Variants in OGDH observed in about 807,000 individuals in gnomAD.
OGDH encodes the protein oxoglutarate dehydrogenase.
In OGDH, 38 loss-of-function variants were observed where a neutral mutation model predicts 116.6. The ratio of observed to expected loss-of-function variants is 0.33; its 90% CI spans 0.25 to 0.43. OGDH has a LOEUF of 0.43. Ranked by LOEUF, OGDH falls within the 20% of genes least tolerant of loss-of-function variation. OGDH has a pLI of 1.00. For missense variants in OGDH, 825 were observed against 1,357.2 expected (o/e 0.61, Z 6.16); for synonymous variants, 488 against 533.3 (o/e 0.92, Z 1.17).
rs765802455 is a variant in OGDH at position 44,698,212 on chromosome 7, C to A, written c.2379C>A (p.Ala793=). 2 of 1,614,168 alleles carry A rather than the reference C, an allele frequency of 1.2e-6. No homozygotes were observed. The highest frequency in any genetic ancestry group is 1.7e-6 in the Non-Finnish European group (2 of 1,180,022). ...MEGMGPEHSS[A]RPERFLQMCN... is the part of the protein sequence containing the mutation. ...TCCAGGGTCCAGAACATTCCTCCGC[C>A]CGCCCAGAGCGGTTCTTGCAGATGT... Residue 793 remains alanine, a synonymous_variant, in exon 18 of 23, where the codon GCC becomes GCA. Transcript: ENST00000222673.
chr7:44,669,145 C>CTTTTTTTTTTTTTTTTTTTTTTTTT (rs869250474), intron 5 of OGDH, among the ~76,000 whole-genome samples: 6 of 77,806 alleles, frequency 7.7e-5, no homozygotes, highest in African/African-American at 2.2e-4. Context: ...AGCCCGGCAG[C>CTTTTTTTTTTTTTTTTTTTTTTTTT]TTTTTTTTTT....
Position 44,672,647 on chromosome 7 carries a change from T to TG in OGDH, c.634-1140_634-1139insG, listed in dbSNP as rs1193240064. Among the ~76,000 whole-genome samples, 26 of 148,640 alleles carry TG rather than the reference T, an allele frequency of 1.7e-4. 1 individual carries two copies. The highest frequency in any genetic ancestry group is 6.3e-4 in the African/African-American group (25 of 39,964). ...GAGGGATTTCTTTTTGTTTTTTGTT[T>TG]TTTTTTTTTTTTTGAGATGGAGTCT... On this transcript the variant is annotated intron_variant, in intron 5 of 22. Transcript: ENST00000222673.
intron 10 of OGDH, among the ~76,000 whole-genome samples, chr7:44,686,046 C>CTTTCTTTTT (rs1554305942): frequency 2.1e-5 from 3 of 144,890 alleles, no homozygotes; most frequent in Middle Eastern, 7.0e-3. Flanking sequence ...TTCTTTCTTT[C>CTTTCTTTTT]TTTTTTTTTT....
chr7:44,620,730 A>G (rs184566404), intron 1 of OGDH, among the ~76,000 whole-genome samples: 43 of 150,770 alleles, frequency 2.9e-4, no homozygotes, highest in Non-Finnish European at 5.9e-4. Flanking sequence ...AAACTTTGTT[A>G]AAACATTATG....
chr7:44,610,104 C>T (rs951390204), intron 1 of OGDH, among the ~76,000 whole-genome samples: 3 of 152,046 alleles, frequency 2.0e-5, no homozygotes, highest in Non-Finnish European at 2.9e-5. Flanking sequence ...CATGAGCCAC[C>T]ATGCCTGGCC....
At chr7:44,612,995 C>G (rs1562606932) in intron 1 of OGDH, among the ~76,000 whole-genome samples, 1 of 149,576 alleles carries the variant, frequency 6.7e-6, no homozygotes, top group Non-Finnish European at 1.5e-5. Context: ...ATTCTCCTGC[C>G]TCAGCCTCCT....
intron 4 of OGDH, among the ~76,000 whole-genome samples, chr7:44,650,019 T>A (rs1786364316): frequency 6.6e-6 from 1 of 152,120 alleles, no homozygotes; most frequent in African/African-American, 2.4e-5. Context: ...GAGGAAAACT[T>A]CTGACATCTC....
At chr7:44,648,583 G>A (rs1225737239) in intron 4 of OGDH, among the ~76,000 whole-genome samples, 1 of 152,150 alleles carries the variant, frequency 6.6e-6, no homozygotes, top group Non-Finnish European at 1.5e-5. Context: ...TCACTTACTT[G>A]CCTAATACTC....
chr7:44,672,649 T>G (rs900736187), intron 5 of OGDH, among the ~76,000 whole-genome samples: 9 of 149,604 alleles, frequency 6.0e-5, no homozygotes, highest in East Asian at 3.9e-4. Flanking sequence ...TTTTTGTTTT[T>G]TTTTTTTTTT....
chr7:44,647,407 G>A, intron 3 of OGDH: 1 of 1,426,906 alleles, frequency 7.0e-7, no homozygotes, highest in Non-Finnish European at 9.6e-7. Flanking sequence ...CAGCTCACTG[G>A]ATCTGCTTAA....
At chr7:44,706,920 G>A (rs867207829) in intron 20 of OGDH, among the ~76,000 whole-genome samples, 3 of 152,142 alleles carry the variant, frequency 2.0e-5, no homozygotes, top group Non-Finnish European at 2.9e-5. Context: ...CACCGCACCC[G>A]GCCGGGATGT....
intron 2 of OGDH, among the ~76,000 whole-genome samples, chr7:44,636,692 T>C (rs1424524332): frequency 2.6e-5 from 4 of 152,226 alleles, no homozygotes; most frequent in Non-Finnish European, 4.4e-5. Flanking sequence ...AAGTGCATTA[T>C]GGTTGCATAG....
chr7:44,616,694 T>C (rs1407960530), intron 1 of OGDH, among the ~76,000 whole-genome samples: 1 of 144,350 alleles, frequency 6.9e-6, no homozygotes, highest in East Asian at 2.0e-4. Flanking sequence ...TATGTATATG[T>C]ATATATATAC....
intron 6 of OGDH, among the ~76,000 whole-genome samples, chr7:44,674,162 A>G (rs1321921118): frequency 2.6e-5 from 4 of 152,216 alleles, no homozygotes; most frequent in African/African-American, 9.6e-5. Context: ...CTCTTGCCTC[A>G]GCCTCCTGAG....
At chr7:44,664,243 C>A (rs952352642) in intron 4 of OGDH, among the ~76,000 whole-genome samples, 2 of 152,124 alleles carry the variant, frequency 1.3e-5, no homozygotes, top group African/African-American at 4.8e-5. Flanking sequence ...AAGTCCTTCT[C>A]CCACTCAAGT....
intron 2 of OGDH, among the ~76,000 whole-genome samples, chr7:44,627,085 C>T (rs1223845041): frequency 6.6e-6 from 1 of 152,232 alleles, no homozygotes; most frequent in East Asian, 1.9e-4. Context: ...CAACCTCCAC[C>T]TCCGAGGCTC....
chr7:44,646,752 G>C (rs1332827179), intron 3 of OGDH, among the ~76,000 whole-genome samples: 2 of 152,172 alleles, frequency 1.3e-5, no homozygotes, highest in Non-Finnish European at 2.9e-5. Context: ...CTTTAAGTCT[G>C]TGGTGTAGCA....
At chr7:44,658,781 A>G (rs1279565902) in intron 4 of OGDH, among the ~76,000 whole-genome samples, 2 of 152,094 alleles carry the variant, frequency 1.3e-5, no homozygotes, top group Non-Finnish European at 2.9e-5. Context: ...TTATGAATGT[A>G]TATTGAATTT....
At position 44,707,211 on chromosome 7, in the gene OGDH, G is replaced by GA. The variant is rs1184737012; in HGVS notation, c.2633-12dup. The GA allele has an allele frequency of 6.2e-7, 1 of 1,613,582 alleles. No homozygotes were observed. The highest frequency in any genetic ancestry group is 1.1e-5 in the South Asian group (1 of 91,040). On this transcript the variant is annotated splice_polypyrimidine_tract_variant and intron_variant, in intron 20 of 22. Transcript: ENST00000222673. This position sits in a 1 kb window ranked among gnomAD's most constrained non-coding sequence, Gnocchi z 5.2. ...CCTGAGAGAACCAGCCTAGCCATGG[G>GA]AACTCTCTTGTAGGAACCCACTTCC...
Sources: gnomAD v4.1 joint callset for allele counts (sites outside exome capture counted in the v4.1 genomes callset) on GRCh38, gnomAD v4.1.1 for gene constraint, Gnocchi (gnomAD v3.1) non-coding constraint, MANE v1.5 for transcripts, NCBI Gene and HGNC (gene_info 2026-07-23, HGNC 2026-07-21) for gene names.